GRB2: variants seen among roughly 807,000 people sequenced by gnomAD.
GRB2 encodes the protein growth factor receptor bound protein 2, also known as growth factor receptor-bound protein 2.
A neutral mutation model predicts 27.4 loss-of-function variants in GRB2; 2 were observed. The ratio of observed to expected loss-of-function variants is 0.07; its 90% CI spans 0.03 to 0.23. The LOEUF is 0.23. GRB2 is among the 10% of genes least tolerant of loss of function. The pLI, the probability that GRB2 is intolerant of heterozygous loss-of-function variation, is 1.00. For missense variants in GRB2, 102 were observed against 282.4 expected (o/e 0.36, Z 4.58); for synonymous variants, 94 against 99.6 (o/e 0.94, Z 0.33).
chr17:75,355,816 CTTTTT>C (rs1170570570), intron 2 of GRB2, among the ~76,000 whole-genome samples: 2 of 115,730 alleles, frequency 1.7e-5, no homozygotes, highest in Non-Finnish European at 3.6e-5. Flanking sequence ...TTCCTTTCTT[CTTTTT>C]TTTTTTTTTT....
chr17:75,348,575 G>C (rs1470310158), intron 2 of GRB2, among the ~76,000 whole-genome samples: 2 of 152,188 alleles, frequency 1.3e-5, no homozygotes, highest in Non-Finnish European at 2.9e-5. Context: ...TATGAGCTAA[G>C]GGAGCTATGT....
chr17:75,378,882 A>G (rs1567872432), intron 2 of GRB2, among the ~76,000 whole-genome samples: 1 of 152,190 alleles, frequency 6.6e-6, no homozygotes, highest in Non-Finnish European at 1.5e-5. Flanking sequence ...CTTCAGCACA[A>G]TGTTTTGGAA....
chr17:75,358,899 T>TTA lies in GRB2; in HGVS notation c.79-26104_79-26103dup, dbSNP rs1555611090. On this transcript the variant is annotated intron_variant, in intron 2 of 5. Transcript: ENST00000316804. ...CTCTGTCTCAAAAAAAAAAAAAAAA[T>TTA]TATATATATATATATAAATATATAT... 4.5e-3 allele frequency among the ~76,000 whole-genome samples: 346 copies of TTA among 77,496 alleles called. 4 individuals are homozygous for TTA. Among genetic ancestry groups the TTA allele is most frequent in the African/African-American group, 0.012 (311 of 26,580 alleles). 50.8% of individuals were successfully genotyped at this position (77,496 alleles called of 152,430 possible).
intron 5 of GRB2, among the ~76,000 whole-genome samples, chr17:75,321,169 CTTTTTTTTTTTTTT>C (rs61287852): frequency 8.3e-6 from 1 of 120,064 alleles, no homozygotes; most frequent in African/African-American, 3.8e-5. Flanking sequence ...AACAACAAAT[CTTTTTTTTTTTTTT>C]TTTTTTTTTT....
At chr17:75,399,860 C>T (rs1273218228) in intron 1 of GRB2, among the ~76,000 whole-genome samples, 1 of 150,960 alleles carries the variant, frequency 6.6e-6, no homozygotes. Flanking sequence ...TTAGTAGAGA[C>T]ATGGTTTCAC....
intron 2 of GRB2, among the ~76,000 whole-genome samples, chr17:75,392,675 A>C (rs2079005785): frequency 6.6e-6 from 1 of 152,208 alleles, no homozygotes; most frequent in Non-Finnish European, 1.5e-5. Context: ...GGGAACACTC[A>C]AACATGAAGC....
At chr17:75,358,916 A>ATATAAAT (rs1555611094) in intron 2 of GRB2, among the ~76,000 whole-genome samples, 60 of 78,530 alleles carry the variant, frequency 7.6e-4, no homozygotes, top group Admixed American at 2.1e-3. Flanking sequence ...TATATATATA[A>ATATAAAT]ATATATATAT....
intron 2 of GRB2, among the ~76,000 whole-genome samples, chr17:75,357,350 A>G (rs750358673): frequency 9.2e-5 from 14 of 152,226 alleles, no homozygotes; most frequent in Non-Finnish European, 1.8e-4. Flanking sequence ...CTAAGGAAAT[A>G]CTGAATCAAG....
chr17:75,330,082 C>T (rs2078528712), intron 3 of GRB2, among the ~76,000 whole-genome samples: 1 of 152,004 alleles, frequency 6.6e-6, no homozygotes, highest in South Asian at 2.1e-4. Context: ...TTTTGAAAGT[C>T]TTTAAAAAGA....
At chr17:75,399,278 C>A (rs2079048203) in intron 1 of GRB2, among the ~76,000 whole-genome samples, 1 of 151,872 alleles carries the variant, frequency 6.6e-6, no homozygotes, top group Non-Finnish European at 1.5e-5. Context: ...ATCTCAAACT[C>A]CTGGACTCAC....
chr17:75,326,643 T>C (rs890270781), intron 3 of GRB2, among the ~76,000 whole-genome samples: 3 of 152,348 alleles, frequency 2.0e-5, no homozygotes, highest in East Asian at 3.9e-4. Context: ...ACCAGGAATA[T>C]TGTAATTTAC....
chr17:75,349,677 G>A (rs776199127), intron 2 of GRB2, among the ~76,000 whole-genome samples: 23 of 151,862 alleles, frequency 1.5e-4, no homozygotes, highest in Non-Finnish European at 2.9e-4. Flanking sequence ...CCACCACCAC[G>A]CCTGGCTAAT....
chr17:75,352,945 G>C (rs1310786444), intron 2 of GRB2, among the ~76,000 whole-genome samples: 1 of 151,532 alleles, frequency 6.6e-6, no homozygotes, highest in Non-Finnish European at 1.5e-5. Context: ...CAGCACTTTG[G>C]GAGGCCGAGG....
chr17:75,332,855 T>C (rs969416912), intron 2 of GRB2, 58 bp from the exon 3 acceptor site: 25 of 1,106,334 alleles, frequency 2.3e-5, no homozygotes, highest in Non-Finnish European at 2.7e-5. Context: ...TTTAAAAAGA[T>C]AGTTACAAGA....
At chr17:75,343,352 C>T (rs1015912601) in intron 2 of GRB2, among the ~76,000 whole-genome samples, 7 of 152,096 alleles carry the variant, frequency 4.6e-5, no homozygotes, top group African/African-American at 1.7e-4. Flanking sequence ...TTTTTTGATT[C>T]ACCCACTGAC....
At chr17:75,322,860 C>G (rs556187147) in intron 4 of GRB2, among the ~76,000 whole-genome samples, 4 of 152,108 alleles carry the variant, frequency 2.6e-5, no homozygotes, top group Non-Finnish European at 5.9e-5. Context: ...TGGCTCATGC[C>G]TGTAATCCCA....
intron 2 of GRB2, among the ~76,000 whole-genome samples, chr17:75,340,851 G>GTA (rs1351350338): frequency 1.3e-5 from 2 of 152,170 alleles, no homozygotes; most frequent in Non-Finnish European, 2.9e-5. Context: ...CACCCACAGT[G>GTA]TAGATAAACG....
chr17:75,346,251 T>G (rs1013751240), intron 2 of GRB2, among the ~76,000 whole-genome samples: 2 of 151,832 alleles, frequency 1.3e-5, no homozygotes, highest in East Asian at 3.9e-4. Flanking sequence ...CCCAGCACTT[T>G]GGGATGCCAA....
chr17:75,326,545 T>C (rs755685462), intron 3 of GRB2, among the ~76,000 whole-genome samples: 2 of 152,258 alleles, frequency 1.3e-5, no homozygotes, highest in Non-Finnish European at 2.9e-5. Flanking sequence ...TCAGATAGTA[T>C]GAGGGTGCCT....
Sources: gnomAD v4.1 joint callset for allele counts (sites outside exome capture counted in the v4.1 genomes callset) on GRCh38, gnomAD v4.1.1 for gene constraint, MANE v1.5 for transcripts, NCBI Gene and HGNC (gene_info 2026-07-23, HGNC 2026-07-21) for gene names.